Variants in PTPRD observed in about 807,000 individuals in gnomAD.
PTPRD encodes receptor-type tyrosine-protein phosphatase delta.
Under a neutral mutation model 214.5 loss-of-function variants are expected in PTPRD, and 34 were observed. The observed-to-expected ratio is 0.16, with a 90% confidence interval of 0.12 to 0.21. PTPRD has a LOEUF of 0.21. PTPRD is among the 10% of genes least tolerant of loss of function. The probability of loss-of-function intolerance (pLI) is 1.00; values close to 1 mark genes in which losing one functional copy is unlikely to be tolerated. For synonymous variants in PTPRD, 1,128 were observed against 845.7 expected (o/e 1.33, Z -5.79); for missense variants, 2,545 against 2,398.7 (o/e 1.06, Z -1.27).
At chr9:8,805,613 T>A (rs1427119180) in intron 11 of PTPRD, among the ~76,000 whole-genome samples, 4 of 151,774 alleles carry the variant, frequency 2.6e-5, no homozygotes, top group South Asian at 2.1e-4. Flanking sequence ...TATTATTATT[T>A]TTTTCCGAGA....
chr9:10,201,702 A>C (rs916646499), intron 3 of PTPRD, among the ~76,000 whole-genome samples: 7 of 152,058 alleles, frequency 4.6e-5, no homozygotes, highest in African/African-American at 1.4e-4. Flanking sequence ...GGATATGTTA[A>C]TTAGCTTGAT....
At chr9:10,360,829 G>A (rs913434684) in intron 2 of PTPRD, among the ~76,000 whole-genome samples, 4 of 152,130 alleles carry the variant, frequency 2.6e-5, no homozygotes, top group South Asian at 2.1e-4. Flanking sequence ...AAGGCCAGGC[G>A]CGGTGGCTCA....
At chr9:9,954,357 A>G (rs905814594) in intron 4 of PTPRD, among the ~76,000 whole-genome samples, 2 of 151,144 alleles carry the variant, frequency 1.3e-5, no homozygotes, top group Non-Finnish European at 3.0e-5. Context: ...TTACTAATAA[A>G]CTCATCTATT....
chr9:8,433,320 T>G (rs1417489531), intron 35 of PTPRD, among the ~76,000 whole-genome samples: 1 of 152,242 alleles, frequency 6.6e-6, no homozygotes, highest in Non-Finnish European at 1.5e-5. Context: ...CAGTACATAA[T>G]ATTTAATAAG....
intron 26 of PTPRD, 51 bp from the exon 27 acceptor site, chr9:8,493,030 C>A: frequency 6.8e-7 from 1 of 1,476,120 alleles, no homozygotes; most frequent in South Asian, 1.2e-5. Flanking sequence ...TACTAATGCT[C>A]TGGGGGAAAA....
At chr9:10,232,929 A>T (rs1308893038) in intron 3 of PTPRD, among the ~76,000 whole-genome samples, 1 of 151,922 alleles carries the variant, frequency 6.6e-6, no homozygotes, top group Non-Finnish European at 1.5e-5. Flanking sequence ...TAAACATTCC[A>T]TTCTTCCTCA....
intron 9 of PTPRD, among the ~76,000 whole-genome samples, chr9:9,289,656 T>C (rs1478039700): frequency 6.6e-6 from 1 of 151,780 alleles, no homozygotes; most frequent in Non-Finnish European, 1.5e-5. Flanking sequence ...GAACCACCTT[T>C]CTACTTTCTG....
chr9:10,272,526 G>A (rs1595862741), intron 3 of PTPRD, among the ~76,000 whole-genome samples: 1 of 152,046 alleles, frequency 6.6e-6, no homozygotes, highest in East Asian at 1.9e-4. Context: ...CATAGTTCTT[G>A]TATCCTATTT....
intron 9 of PTPRD, among the ~76,000 whole-genome samples, chr9:9,275,709 A>T (rs1945344262): frequency 6.6e-6 from 1 of 151,254 alleles, no homozygotes. Flanking sequence ...ACTAAAATGT[A>T]TTCAAATGAC....
chr9:10,424,614 G>A (rs550922198), intron 2 of PTPRD, among the ~76,000 whole-genome samples: 2 of 151,986 alleles, frequency 1.3e-5, no homozygotes, highest in South Asian at 2.1e-4. Flanking sequence ...ATAATAAAAT[G>A]AGGAAAACCA....
At chr9:9,254,987 TC>T (rs2131783356) in intron 9 of PTPRD, among the ~76,000 whole-genome samples, 1 of 152,196 alleles carries the variant, frequency 6.6e-6, no homozygotes, top group Admixed American at 6.6e-5. Flanking sequence ...GACAAAGATT[TC>T]TTTCATCATT....
At chr9:9,464,346 T>C (rs1024516533) in intron 8 of PTPRD, among the ~76,000 whole-genome samples, 2 of 152,198 alleles carry the variant, frequency 1.3e-5, no homozygotes, top group African/African-American at 4.8e-5. Context: ...GTAGTAAAAG[T>C]ATAAATAGTG....
At chr9:9,986,479 T>C (rs182096273) in intron 4 of PTPRD, among the ~76,000 whole-genome samples, 1 of 152,256 alleles carries the variant, frequency 6.6e-6, no homozygotes, top group East Asian at 1.9e-4. Context: ...GTAATATCAC[T>C]GCTGTAAGTA....
chr9:8,488,576 G>A lies in PTPRD; in HGVS notation c.2468-2227C>T, dbSNP rs115523919. On this transcript the variant is annotated intron_variant, in intron 27 of 45. Coordinates refer to ENST00000381196, the MANE Select transcript of PTPRD (RefSeq NM_002839.4). The stretch of plus-strand genomic sequence containing the variant: ...GAAAAATGCATCCAGAGATCTTAAC[G>A]ACCAACACACACTCTCAGAACACCA... Among the ~76,000 whole-genome samples, 835 of 152,272 alleles carry A rather than the reference G, an allele frequency of 5.5e-3. 6 individuals carry two copies. Among genetic ancestry groups the A allele is most frequent in the African/African-American group, 0.019 (788 of 41,542 alleles).
At chr9:10,394,102 C>A (rs868527117) in intron 2 of PTPRD, among the ~76,000 whole-genome samples, 17 of 140,342 alleles carry the variant, frequency 1.2e-4, no homozygotes, top group African/African-American at 2.3e-4. Context: ...CTATCTCTCT[C>A]TATATATGGA....
intron 14 of PTPRD, among the ~76,000 whole-genome samples, chr9:8,579,726 G>A (rs1594392968): frequency 6.6e-6 from 1 of 152,196 alleles, no homozygotes; most frequent in African/African-American, 2.4e-5. Flanking sequence ...AGGTTGCAGT[G>A]GATGGGAAAG....
intron 5 of PTPRD, among the ~76,000 whole-genome samples, chr9:9,860,260 A>G (rs1407457266): frequency 6.6e-6 from 1 of 152,244 alleles, no homozygotes; most frequent in Non-Finnish European, 1.5e-5. Flanking sequence ...AAATGATGGA[A>G]AAGAATTACA....
At chr9:10,177,033 G>A (rs755715105) in intron 3 of PTPRD, among the ~76,000 whole-genome samples, 4 of 151,894 alleles carry the variant, frequency 2.6e-5, no homozygotes, top group Non-Finnish European at 5.9e-5. Context: ...CAACCAGCAT[G>A]CTAGGTACAT....
chr9:9,995,642 T>C (rs1306912558), intron 4 of PTPRD, among the ~76,000 whole-genome samples: 4 of 152,122 alleles, frequency 2.6e-5, no homozygotes, highest in African/African-American at 9.7e-5. Context: ...GTTTTGCTCT[T>C]AGGCCTTAGA....
Sources: allele counts gnomAD v4.1 joint callset (sites outside exome capture counted in the v4.1 genomes callset), GRCh38; gene constraint gnomAD v4.1.1; transcripts MANE v1.5; gene names NCBI Gene and HGNC (gene_info 2026-07-23, HGNC 2026-07-21).